The following TMC1 variants were observed in gnomAD, a reference collection of about 807,000 sequenced individuals.
TMC1 encodes transmembrane channel like 1.
In TMC1, 84 loss-of-function variants were observed where a neutral mutation model predicts 105.8. That is an observed-to-expected ratio of 0.79 (90% CI 0.67 to 0.95). The LOEUF (loss-of-function observed/expected upper bound fraction) is 0.95, where lower values mean the gene tolerates loss of function less well. Ranked by LOEUF, TMC1 falls within the 40% of genes least tolerant of loss-of-function variation. TMC1 has a pLI of 0.00. For missense variants in TMC1, 817 were observed against 914.1 expected (o/e 0.89, Z 1.37); for synonymous variants, 315 against 311.5 (o/e 1.01, Z -0.12).
intron 5 of TMC1, among the ~76,000 whole-genome samples, chr9:72,666,614 A>C (rs1392782607): frequency 1.3e-5 from 2 of 152,220 alleles, no homozygotes; most frequent in African/African-American, 4.8e-5. Context: ...ATTTATTCAT[A>C]TCACAAACAC....
chr9:72,574,691 C>T (rs1257514226), intron 1 of TMC1, among the ~76,000 whole-genome samples: 2 of 152,180 alleles, frequency 1.3e-5, no homozygotes, highest in African/African-American at 4.8e-5. Context: ...TTCCTTGTCA[C>T]TTTTTACATG....
chr9:72,602,083 T>C (rs901321599), intron 2 of TMC1, among the ~76,000 whole-genome samples: 3 of 152,182 alleles, frequency 2.0e-5, no homozygotes, highest in African/African-American at 7.2e-5. Context: ...TTTTCTACTG[T>C]GGTGTCAAGT....
intron 2 of TMC1, among the ~76,000 whole-genome samples, chr9:72,588,072 A>G (rs1049143897): frequency 6.6e-6 from 1 of 152,082 alleles, no homozygotes; most frequent in Non-Finnish European, 1.5e-5. Flanking sequence ...TACAGGTGTG[A>G]GCCATTGTGC....
In TMC1 at chr9:72,648,365, A is replaced by G. The variant is rs1212955830; in HGVS notation, c.-52-232A>G. Among the ~76,000 whole-genome samples the G allele has an allele frequency of 3.9e-5, 6 of 152,194 alleles. No homozygotes were observed. In the East Asian group the frequency reaches 1.2e-3, roughly 29 times the overall value. On this transcript the variant is annotated intron_variant, in intron 4 of 23. Coordinates refer to ENST00000297784, the MANE Select transcript of TMC1 (RefSeq NM_138691.3). ...CAGCTTTGCTCTGAATAGGACTTAT[A>G]TGATCAGTTTAGTTTTATTCCAAAC...
intron 8 of TMC1, among the ~76,000 whole-genome samples, chr9:72,730,515 T>TA (rs1037038360): frequency 1.3e-5 from 2 of 152,150 alleles, no homozygotes; most frequent in Non-Finnish European, 2.9e-5. Flanking sequence ...TTCATGGACT[T>TA]ACAAAAATAT....
chr9:72,606,063 GA>G, intron 2 of TMC1, among the ~76,000 whole-genome samples: 1 of 152,202 alleles, frequency 6.6e-6, no homozygotes, highest in Middle Eastern at 3.4e-3. Context: ...GTCAACATAT[GA>G]ATTTGAGGGG....
chr9:72,722,644 T>C (rs1292405802), intron 8 of TMC1, among the ~76,000 whole-genome samples: 3 of 152,216 alleles, frequency 2.0e-5, no homozygotes, highest in Non-Finnish European at 2.9e-5. Flanking sequence ...TAGTGCTTTG[T>C]ATGCAATATT....
intron 18 of TMC1, among the ~76,000 whole-genome samples, chr9:72,810,247 A>G (rs1393739301): frequency 6.6e-6 from 1 of 152,152 alleles, no homozygotes; most frequent in African/African-American, 2.4e-5. Flanking sequence ...ATGGTTTCAG[A>G]AAGTACCTGT....
At chr9:72,808,301 GC>G (rs1407951173) in intron 18 of TMC1, among the ~76,000 whole-genome samples, 17 of 152,172 alleles carry the variant, frequency 1.1e-4, no homozygotes, top group African/African-American at 3.6e-4. Flanking sequence ...ATTTGTAATT[GC>G]TGTTTCTCCC....
chr9:72,598,747 G>C (rs992362794), intron 2 of TMC1, among the ~76,000 whole-genome samples: 2 of 152,156 alleles, frequency 1.3e-5, no homozygotes, highest in African/African-American at 4.8e-5. Context: ...TGTCTTTTGG[G>C]AAAATGCCAA....
chr9:72,683,490 C>A (rs1416845479), intron 5 of TMC1, among the ~76,000 whole-genome samples: 1 of 150,952 alleles, frequency 6.6e-6, no homozygotes, highest in Non-Finnish European at 1.5e-5. Flanking sequence ...AGTGTGTATT[C>A]ATAAGAATGC....
intron 5 of TMC1, among the ~76,000 whole-genome samples, chr9:72,684,300 AC>A (rs1002906974): frequency 6.6e-6 from 1 of 152,140 alleles, no homozygotes; most frequent in African/African-American, 2.4e-5. Flanking sequence ...ACACAACTGC[AC>A]TAAACATATG....
intron 3 of TMC1, among the ~76,000 whole-genome samples, chr9:72,624,683 G>A (rs1019738689): frequency 1.3e-5 from 2 of 152,316 alleles, no homozygotes; most frequent in African/African-American, 4.8e-5. Flanking sequence ...CACCAGGCCT[G>A]AGCTGTTTCC....
At chr9:72,536,921 C>A (rs1823595399) in intron 1 of TMC1, among the ~76,000 whole-genome samples, 1 of 152,194 alleles carries the variant, frequency 6.6e-6, no homozygotes, top group African/African-American at 2.4e-5. Context: ...TGTGGTTGAT[C>A]TGACCCTATG....
intron 8 of TMC1, among the ~76,000 whole-genome samples, chr9:72,719,210 C>G (rs1826974310): frequency 6.6e-6 from 1 of 152,224 alleles, no homozygotes; most frequent in African/African-American, 2.4e-5. Context: ...GGCCAGGAAA[C>G]TTCACATTTG....
At chr9:72,578,753 A>G (rs1354624820) in intron 2 of TMC1, among the ~76,000 whole-genome samples, 3 of 152,220 alleles carry the variant, frequency 2.0e-5, no homozygotes, top group Non-Finnish European at 4.4e-5. Flanking sequence ...GTTATAATAC[A>G]TGTCATTTTT....
At chr9:72,620,988 CTGAT>C (rs1825238549) in intron 3 of TMC1, among the ~76,000 whole-genome samples, 1 of 152,200 alleles carries the variant, frequency 6.6e-6, no homozygotes, top group Non-Finnish European at 1.5e-5. Context: ...TGCATCATGA[CTGAT>C]TGACGTCAGT....
In TMC1 at chr9:72,751,941, C is replaced by T. The variant is rs748580616; in HGVS notation, c.627C>T (p.Leu209=). The T allele has an allele frequency of 1.2e-5, 19 of 1,608,780 alleles. No homozygotes were observed. The highest frequency in any genetic ancestry group is 6.7e-5 in the East Asian group (3 of 44,836). ...NMVLFILTFS[L]IMLPEYLWGL... ...TTCTCTTTATCCTGACATTTAGCCT[C>T]ATCATGTTGCCAGAGGTGAGATCTG... Residue 209 remains leucine (L), a synonymous_variant, in exon 11 of 24, where the codon CTC becomes CTT. Transcript: ENST00000297784.
intron 2 of TMC1, among the ~76,000 whole-genome samples, chr9:72,603,386 T>C (rs888741769): frequency 6.3e-4 from 91 of 145,344 alleles, no homozygotes; most frequent in African/African-American, 2.2e-3. Flanking sequence ...CTCTCCCCAC[T>C]ACACACACAC....
Sources: gnomAD v4.1 joint callset for allele counts (sites outside exome capture counted in the v4.1 genomes callset) on GRCh38, gnomAD v4.1.1 for gene constraint, MANE v1.5 for transcripts, NCBI Gene and HGNC (gene_info 2026-07-23, HGNC 2026-07-21) for gene names.